Variants in SNTG1 observed in about 807,000 individuals in gnomAD.
SNTG1 encodes the protein syntrophin gamma 1.
In SNTG1, 39 loss-of-function variants were observed where a neutral mutation model predicts 74.7. The ratio of observed to expected loss-of-function variants is 0.52; its 90% CI spans 0.40 to 0.68. The LOEUF (loss-of-function observed/expected upper bound fraction) is 0.68. Ranked by LOEUF, SNTG1 falls within the 30% of genes least tolerant of loss-of-function variation. The pLI, the probability that SNTG1 is intolerant of heterozygous loss-of-function variation, is 0.00. For missense variants in SNTG1, 685 were observed against 609.5 expected, an observed-to-expected ratio of 1.12 and a Z score of -1.30; for synonymous variants, 254 against 217.1, an observed-to-expected ratio of 1.17 and a Z score of -1.49.
chr8:50,690,711 G>T (rs932132247), intron 15 of SNTG1, among the ~76,000 whole-genome samples: 7 of 152,158 alleles, frequency 4.6e-5, no homozygotes, highest in Non-Finnish European at 8.8e-5. Context: ...GTGCTGAAAA[G>T]AATGTATATT....
At chr8:50,236,179 C>A (rs1185072164) in intron 2 of SNTG1, among the ~76,000 whole-genome samples, 1 of 152,038 alleles carries the variant, frequency 6.6e-6, no homozygotes, top group Non-Finnish European at 1.5e-5. Context: ...ACAAAGAGTG[C>A]CACTATAGAT....
upstream of SNTG1, chr8:49,911,221 T>C (rs1327848136): frequency 6.6e-6 from 1 of 152,220 alleles, no homozygotes; most frequent in African/African-American, 2.4e-5. Flanking sequence ...TAATTGGTAA[T>C]CAAGATTGCG....
chr8:50,681,576 T>A (rs1417855158), intron 15 of SNTG1, among the ~76,000 whole-genome samples: 1 of 152,208 alleles, frequency 6.6e-6, no homozygotes, highest in African/African-American at 2.4e-5. Context: ...AACAATGCTA[T>A]TTTTGGATTG....
intron 13 of SNTG1, among the ~76,000 whole-genome samples, chr8:50,596,352 A>T (rs938847300): frequency 6.6e-6 from 1 of 151,980 alleles, no homozygotes; most frequent in African/African-American, 2.4e-5. Flanking sequence ...TTGAAATTGT[A>T]TTTAGTAAAT....
chr8:50,402,597 A>T (rs76972521), intron 4 of SNTG1, among the ~76,000 whole-genome samples: 2 of 152,088 alleles, frequency 1.3e-5, no homozygotes, highest in Non-Finnish European at 2.9e-5. Flanking sequence ...GATGGGAGTG[A>T]CACTGTATTT....
chr8:50,393,977 C>G (rs1329724495), intron 2 of SNTG1, among the ~76,000 whole-genome samples: 1 of 152,194 alleles, frequency 6.6e-6, no homozygotes, highest in Non-Finnish European at 1.5e-5. Flanking sequence ...GAAATGCACA[C>G]TCAATCACAC....
chr8:50,001,994 T>C (rs1057258522), intron 1 of SNTG1, among the ~76,000 whole-genome samples: 3 of 152,152 alleles, frequency 2.0e-5, no homozygotes, highest in Non-Finnish European at 2.9e-5. Context: ...AAGGAGGTTT[T>C]GGGGCTTGTA....
chr8:50,206,407 A>T (rs6472985), intron 2 of SNTG1, among the ~76,000 whole-genome samples: 63,986 of 151,946 alleles, frequency 0.42, 16,731 homozygotes, highest in African/African-American at 0.75. Flanking sequence ...GTGATTTTTG[A>T]ACATTGATTT....
At chr8:50,037,391 A>G (rs1434523184) in intron 1 of SNTG1, among the ~76,000 whole-genome samples, 2 of 152,166 alleles carry the variant, frequency 1.3e-5, no homozygotes, top group East Asian at 1.9e-4. Flanking sequence ...GCTCTGTGAG[A>G]TGGCCAATGA....
intron 18 of SNTG1, among the ~76,000 whole-genome samples, chr8:50,759,486 T>A (rs753976787): frequency 3.3e-5 from 5 of 152,076 alleles, no homozygotes; most frequent in Admixed American, 6.6e-5. Flanking sequence ...AATTTTTGTA[T>A]AAAGTGTAAA....
In SNTG1 at chr8:50,338,233, G is replaced by A. The variant is rs181556130; in HGVS notation, c.-27-55979G>A. Among the ~76,000 whole-genome samples the A allele has an allele frequency of 2.6e-5, 4 of 152,248 alleles. No individual in the cohort carries two copies. The East Asian group carries it at 7.7e-4, about 29-fold the overall frequency. ...AAAGGGAGACAAAAACAAGGACACTGGAGGAAATGGAAACTTCCGGCATCT... is the reference window on the plus strand; with the variant it reads ...AAAGGGAGACAAAAACAAGGACACTAGAGGAAATGGAAACTTCCGGCATCT... On this transcript the variant is annotated intron_variant, in intron 2 of 18. Coordinates refer to ENST00000642720, the MANE Select transcript of SNTG1 (RefSeq NM_018967.5).
chr8:50,602,759 A>C (rs1269100718), intron 13 of SNTG1, among the ~76,000 whole-genome samples: 1 of 152,152 alleles, frequency 6.6e-6, no homozygotes, highest in African/African-American at 2.4e-5. Context: ...TGCTTAATGC[A>C]TATTTTCACT....
At chr8:50,151,052 T>G (rs767104330) in intron 1 of SNTG1, among the ~76,000 whole-genome samples, 30 of 152,220 alleles carry the variant, frequency 2.0e-4, no homozygotes, top group Non-Finnish European at 4.0e-4. Context: ...GGACTTTTTA[T>G]GGTTGGTAGA....
At chr8:50,233,249 G>A (rs1364172321) in intron 2 of SNTG1, among the ~76,000 whole-genome samples, 1 of 151,498 alleles carries the variant, frequency 6.6e-6, no homozygotes, top group Non-Finnish European at 1.5e-5. Context: ...CCCTAAAATA[G>A]TCACATACAA....
At chr8:50,207,761 T>C (rs1554605811) in intron 2 of SNTG1, among the ~76,000 whole-genome samples, 1 of 152,210 alleles carries the variant, frequency 6.6e-6, no homozygotes, top group Non-Finnish European at 1.5e-5. Flanking sequence ...TTCTGGTATG[T>C]TGTGTCTTTG....
chr8:50,053,093 TA>T (rs1198291401), intron 1 of SNTG1, among the ~76,000 whole-genome samples: 2 of 152,080 alleles, frequency 1.3e-5, no homozygotes, highest in Admixed American at 6.6e-5. Flanking sequence ...TCACCCAAGA[TA>T]AATGAACACA....
intron 1 of SNTG1, among the ~76,000 whole-genome samples, chr8:49,954,214 T>C (rs1585643778): frequency 6.6e-6 from 1 of 152,144 alleles, no homozygotes. Context: ...GAGAATCACA[T>C]ATGGTTAGAA....
chr8:50,397,694 T>C (rs2092745185), intron 3 of SNTG1, among the ~76,000 whole-genome samples: 1 of 152,202 alleles, frequency 6.6e-6, no homozygotes, highest in Non-Finnish European at 1.5e-5. Context: ...ATAACCATAA[T>C]GCTCTCCAGT....
intron 2 of SNTG1, among the ~76,000 whole-genome samples, chr8:50,329,829 C>A (rs920603483): frequency 6.6e-6 from 1 of 151,870 alleles, no homozygotes; most frequent in Non-Finnish European, 1.5e-5. Context: ...TTTTCTATTG[C>A]ATCGTCAGGT....
Sources: gnomAD v4.1 joint callset for allele counts (sites outside exome capture counted in the v4.1 genomes callset) on GRCh38, gnomAD v4.1.1 for gene constraint, MANE v1.5 for transcripts, NCBI Gene and HGNC (gene_info 2026-07-23, HGNC 2026-07-21) for gene names.